The following DICER1 variants were observed in gnomAD, a reference collection of about 807,000 sequenced individuals.
DICER1 encodes the protein dicer 1, ribonuclease III.
A neutral mutation model predicts 194.1 loss-of-function variants in DICER1; 43 were observed. The ratio of observed to expected loss-of-function variants is 0.22; its 90% CI spans 0.17 to 0.29. The LOEUF (loss-of-function observed/expected upper bound fraction) is 0.29, where lower values mean the gene tolerates loss of function less well. DICER1 is among the 10% of genes least tolerant of loss of function. The pLI is 1.00. For synonymous variants in DICER1, 832 were observed against 820.5 expected (o/e 1.01, Z -0.24); for missense variants, 1,608 against 2,317.0 (o/e 0.69, Z 6.28).
In DICER1 at chr14:95,087,986, CA is replaced by C. The variant is rs1240007183; in HGVS notation, c.*2511del. Reference sequence around the variant, plus strand: ...ACAAGCTAAACACAGGAAAACTTTACAGCATTAAAAATCAGCAGCACAAAAG... The same window carrying C: ...ACAAGCTAAACACAGGAAAACTTTACGCATTAAAAATCAGCAGCACAAAAG... On this transcript the variant is annotated 3_prime_UTR_variant, in exon 27 of 27. Coordinates refer to ENST00000343455, the MANE Select transcript of DICER1 (RefSeq NM_177438.3). The C allele has an allele frequency of 8.6e-6, 2 of 232,688 alleles. No individual in the cohort carries two copies. The highest frequency in any genetic ancestry group is 1.1e-4 in the Admixed American group (2 of 17,754). The allele number at this position is 232,688 out of a possible 1,614,324, so 14.4% of individuals were successfully genotyped here.
chr14:95,151,902 C>CT (rs905140015), intron 1 of DICER1, among the ~76,000 whole-genome samples: 1 of 152,190 alleles, frequency 6.6e-6, no homozygotes, highest in Admixed American at 6.5e-5. Context: ...CGACTACTAC[C>CT]TTTCTTTTTC....
intron 1 of DICER1, among the ~76,000 whole-genome samples, chr14:95,144,626 T>C (rs146799623): frequency 6.9e-4 from 105 of 152,322 alleles, no homozygotes; most frequent in African/African-American, 2.5e-3. Flanking sequence ...AAATGTTTCA[T>C]TAACCGTAAG....
rs191574000 is a variant in DICER1, at chr14:95,088,526, G to A, written c.*1972C>T. The stretch of plus-strand genomic sequence containing the variant: ...ACACTTTTACAGTTATATAATTCAA[G>A]AATTGCTTTGTTTTAACTGGTCATA... On this transcript the variant is annotated 3_prime_UTR_variant, in exon 27 of 27. Transcript: ENST00000343455. 1 of 232,050 alleles carries A rather than the reference G, an allele frequency of 4.3e-6. No homozygotes were observed. Among genetic ancestry groups the A allele is most frequent in the South Asian group, 1.8e-4 (1 of 5,520 alleles). The allele number at this position is 232,050 out of a possible 1,614,324, so 14.4% of individuals were successfully genotyped here.
rs2139841994 is a variant in DICER1 at position 95,096,068 on chromosome 14, A to T, written c.4852T>A (p.Ser1618Thr). 1.9e-6 allele frequency: 3 copies of T among 1,614,194 alleles called. No individual in the cohort carries two copies. ...ENFNSQQKNL[S>T]VSCAAASVAS... is the part of the protein sequence containing the mutation. ...ACAGAAGCAGCAGCACAGCTCACTG[A>T]AAGGTTCTTTTGTTGGCTGTTGAAA... Residue 1618 changes from serine to threonine, a missense_variant, in exon 23 of 27, where the codon TCA (serine) becomes ACA (threonine). Physicochemically the swap from Ser to Thr is moderately conservative, Grantham distance 58. Transcript: ENST00000343455.
rs1056692589 is a variant in DICER1 at position 95,157,393 on chromosome 14, G to C, written c.-209C>G. 2 of 152,596 alleles carry C rather than the reference G, an allele frequency of 1.3e-5. No homozygotes were observed. Among genetic ancestry groups the C allele is most frequent in the Non-Finnish European group, 2.9e-5 (2 of 68,290 alleles). The allele number at this position is 152,596 out of a possible 1,614,324, so 9.5% of individuals were successfully genotyped here. A position where few individuals can be genotyped will look rare whatever the true frequency, so the allele number is the denominator to read the frequency against. ...CGCTGTCAGGTTACTCCATTCACCTGGGCCTGCAGCAGCCTGCGCCGCGCC... is the reference window on the plus strand; with the variant it reads ...CGCTGTCAGGTTACTCCATTCACCTCGGCCTGCAGCAGCCTGCGCCGCGCC... On this transcript the variant is annotated 5_prime_UTR_variant, in exon 1 of 27. Transcript: ENST00000343455.
rs752868874 is a variant in DICER1 at position 95,112,175 on chromosome 14, T to C, written c.2113A>G (p.Ile705Val). ...TATGCTTTTCAAACATCCTTACCAA[T>C]TTTGTGCAGTTTCTCACAGCAAATG... The part of the protein sequence containing the change: ...ALICCEKLHK[I>V]GELDDHLMPV... Residue 705 changes from isoleucine (I) to valine (V), a missense_variant, in exon 13 of 27, where the codon ATT becomes GTT. By Grantham distance (29) the Ile-to-Val change is conservative (BLOSUM62 3). Transcript: ENST00000343455. The C allele has an allele frequency of 6.2e-7, 1 of 1,613,668 alleles. No individual in the cohort carries two copies. Among genetic ancestry groups the C allele is most frequent in the East Asian group, 2.2e-5 (1 of 44,846 alleles).
intron 3 of DICER1, among the ~76,000 whole-genome samples, 196 bp from the exon 4 acceptor site, chr14:95,131,835 T>G (rs1893978990): frequency 6.6e-6 from 1 of 152,156 alleles, no homozygotes; most frequent in Non-Finnish European, 1.5e-5. Context: ...ACTTGCCACC[T>G]CACTTTTTGT....
At chr14:95,097,596 G>A (rs1890472460) in intron 22 of DICER1, among the ~76,000 whole-genome samples, 1 of 152,116 alleles carries the variant, frequency 6.6e-6, no homozygotes, top group African/African-American at 2.4e-5. Context: ...ATCCTAGAAA[G>A]ATGCCAAATT....
At chr14:95,122,296 G>A (rs991673887) in intron 8 of DICER1, among the ~76,000 whole-genome samples, 1 of 152,188 alleles carries the variant, frequency 6.6e-6, no homozygotes, top group Non-Finnish European at 1.5e-5. Context: ...ACAGGAGGAA[G>A]GCGGAAAATA....
chr14:95,106,908 TAAG>T (rs1365927566), intron 17 of DICER1, among the ~76,000 whole-genome samples: 1 of 152,232 alleles, frequency 6.6e-6, no homozygotes, highest in Non-Finnish European at 1.5e-5. Context: ...ATGGAGATTT[TAAG>T]AAGAAAGCCT....
chr14:95,108,885 A>T (rs1891701106), intron 14 of DICER1, among the ~76,000 whole-genome samples: 1 of 152,230 alleles, frequency 6.6e-6, no homozygotes, highest in Admixed American at 6.5e-5. Flanking sequence ...GTATCAGAAA[A>T]TGAAGTTAGG....
rs544623004 is a variant in DICER1, at chr14:95,113,099, G to A, written c.2033C>T (p.Ser678Phe). The change falls in exon 12 of 27, where the codon TCC becomes TTC. Residue 678 changes from serine to phenylalanine, a missense_variant. By Grantham distance (155) the Ser-to-Phe change is radical. Transcript: ENST00000343455. ...YLPINSPLRA[S>F]IVGPPMSCVR... ...TTCTTCTTCTAAACTTACAACAATG[G>A]AGGCTCGAAGAGGTGAGTTAATTGG... 144 of 1,613,674 alleles carry A rather than the reference G, an allele frequency of 8.9e-5. No homozygotes were observed. In the East Asian group the frequency reaches 3.2e-3, roughly 36 times the overall value.
chr14:95,090,232 G>A lies in DICER1; in HGVS notation c.*266C>T, dbSNP rs1318050318. On this transcript the variant is annotated 3_prime_UTR_variant, in exon 27 of 27. Coordinates refer to ENST00000343455, the MANE Select transcript of DICER1 (RefSeq NM_177438.3). ...GCACTTGCTAAATGTCATCATTAAA[G>A]CACTCTTGTGATTTAAACAAAGCAG... 3.0e-5 allele frequency: 15 copies of A among 502,760 alleles called. No homozygotes were observed. Among genetic ancestry groups the A allele is most frequent in the Non-Finnish European group, 5.0e-5 (14 of 280,168 alleles). The allele number at this position is 502,760 out of a possible 1,614,324, so 31.1% of individuals were successfully genotyped here. A position where few individuals can be genotyped will look rare whatever the true frequency, so the allele number is the denominator to read the frequency against.
At chr14:95,133,561 G>A in intron 1 of DICER1, 58 bp from the exon 2 acceptor site, 2 of 1,262,930 alleles carry the variant, frequency 1.6e-6, no homozygotes, top group Non-Finnish European at 1.1e-6. Context: ...AACAAAGAAA[G>A]CACAGAAACA....
intron 24 of DICER1, chr14:95,091,572 A>G (rs927126666): frequency 1.6e-5 from 9 of 568,292 alleles, no homozygotes; most frequent in African/African-American, 7.5e-5. Flanking sequence ...GAAAAAAAGA[A>G]AAAATATCCC....
chr14:95,114,794 C>T (rs1013913498), intron 11 of DICER1, among the ~76,000 whole-genome samples: 3 of 152,140 alleles, frequency 2.0e-5, no homozygotes, highest in Non-Finnish European at 2.9e-5. Context: ...AGGACACCAT[C>T]GTCTCAGTGA....
At chr14:95,156,216 G>A (rs2140499582) in intron 1 of DICER1, among the ~76,000 whole-genome samples, 1 of 152,302 alleles carries the variant, frequency 6.6e-6, no homozygotes, top group South Asian at 2.1e-4. Context: ...TTGAAAACAA[G>A]CACCACGAAG....
intron 7 of DICER1, among the ~76,000 whole-genome samples, chr14:95,125,955 GGAGAGAAACTAAGA>G (rs1370978907): frequency 6.6e-6 from 1 of 152,152 alleles, no homozygotes; most frequent in Non-Finnish European, 1.5e-5. Flanking sequence ...AAAATCATCA[GGAGAGAAACTAAGA>G]CCCACATTTA....
At chr14:95,137,726 A>T (rs547656437) in intron 1 of DICER1, among the ~76,000 whole-genome samples, 1 of 152,150 alleles carries the variant, frequency 6.6e-6, no homozygotes, top group Non-Finnish European at 1.5e-5. Context: ...ACTCCAAAAA[A>T]CCAGGGATGA....
Sources: allele counts gnomAD v4.1 joint callset (sites outside exome capture counted in the v4.1 genomes callset), GRCh38; gene constraint gnomAD v4.1.1; transcripts MANE v1.5; gene names NCBI Gene and HGNC (gene_info 2026-07-23, HGNC 2026-07-21).